Variants in OMA1 observed in about 807,000 individuals in gnomAD.
The protein encoded by OMA1 is metalloendopeptidase OMA1, mitochondrial.
In OMA1, 38 loss-of-function variants were observed where a neutral mutation model predicts 30.9. The observed-to-expected ratio is 1.23, with a 90% CI of 0.95 to 1.61. The LOEUF is 1.61. OMA1 is among the 40% of genes most tolerant of loss of function. The pLI, the probability that OMA1 is intolerant of heterozygous loss-of-function variation, is 0.00. For missense variants in OMA1, 461 were observed against 349.2 expected, an observed-to-expected ratio of 1.32 and a Z score of -2.55; for synonymous variants, 173 against 121.9, an observed-to-expected ratio of 1.42 and a Z score of -2.76.
At chr1:58,490,192 GA>G (rs1161179801) in intron 8 of OMA1, among the ~76,000 whole-genome samples, 1 of 152,076 alleles carries the variant, frequency 6.6e-6, no homozygotes, top group Non-Finnish European at 1.5e-5. Flanking sequence ...TAAAAATCTT[GA>G]AAAAAGATTA....
At chr1:58,515,961 T>C (rs182261393) in intron 7 of OMA1, among the ~76,000 whole-genome samples, 9 of 152,280 alleles carry the variant, frequency 5.9e-5, no homozygotes, top group Admixed American at 2.0e-4. Context: ...TGATGAAAAA[T>C]AGATTTTGCT....
intron 1 of OMA1, among the ~76,000 whole-genome samples, chr1:58,545,587 G>A (rs2100508232): frequency 6.6e-6 from 1 of 152,216 alleles, no homozygotes. Context: ...AGACTTCTAG[G>A]ATAACAAAAT....
intron 7 of OMA1, among the ~76,000 whole-genome samples, chr1:58,521,021 G>A (rs1646253775): frequency 6.6e-6 from 1 of 152,126 alleles, no homozygotes. Context: ...ACGTCATTTT[G>A]ACAAAATTGA....
intron 1 of OMA1, among the ~76,000 whole-genome samples, chr1:58,539,962 G>A (rs1026232404): frequency 2.0e-5 from 3 of 152,126 alleles, no homozygotes; most frequent in African/African-American, 7.2e-5. Context: ...GAGTTCTGCA[G>A]AGAATCCCCC....
chr1:58,513,002 AG>A (rs1201925405), intron 7 of OMA1, among the ~76,000 whole-genome samples: 3 of 152,218 alleles, frequency 2.0e-5, no homozygotes, highest in Non-Finnish European at 4.4e-5. Context: ...CTTCAAGAAA[AG>A]TATTATAGAA....
intron 7 of OMA1, among the ~76,000 whole-genome samples, chr1:58,524,557 T>C (rs1004381872): frequency 1.3e-5 from 2 of 152,244 alleles, no homozygotes; most frequent in Admixed American, 1.3e-4. Flanking sequence ...TTGCAAAAAG[T>C]GCAAGGTTTT....
intron 7 of OMA1, among the ~76,000 whole-genome samples, chr1:58,510,989 T>C (rs942685405): frequency 6.6e-6 from 1 of 151,922 alleles, no homozygotes; most frequent in Non-Finnish European, 1.5e-5. Context: ...CTCAAATAAA[T>C]GGAAAGACAT....
At chr1:58,533,858 T>C (rs1191386691) in intron 5 of OMA1, 95 bp downstream of exon 5, 1 of 761,456 alleles carries the variant, frequency 1.3e-6, no homozygotes, top group Non-Finnish European at 2.4e-6. Flanking sequence ...TCTATCATTT[T>C]TAAAAAACCT....
At chr1:58,531,627 T>G (rs565997525) in intron 5 of OMA1, among the ~76,000 whole-genome samples, 4 of 152,256 alleles carry the variant, frequency 2.6e-5, no homozygotes, top group African/African-American at 9.6e-5. Context: ...TATTGTACCC[T>G]CACAAAACAT....
intron 3 of OMA1, among the ~76,000 whole-genome samples, chr1:58,535,111 T>G (rs1487625999): frequency 6.6e-6 from 1 of 152,182 alleles, no homozygotes; most frequent in Non-Finnish European, 1.5e-5. Context: ...ACTCACAGAT[T>G]GAAAGGAAAT....
intron 7 of OMA1, among the ~76,000 whole-genome samples, chr1:58,509,148 A>G (rs1193440768): frequency 6.6e-6 from 1 of 151,256 alleles, no homozygotes; most frequent in Non-Finnish European, 1.5e-5. Context: ...GATATCAACA[A>G]TAAGAGTGAA....
chr1:58,501,542 C>T (rs1055764718), intron 8 of OMA1, among the ~76,000 whole-genome samples: 1 of 152,170 alleles, frequency 6.6e-6, no homozygotes, highest in Admixed American at 6.5e-5. Flanking sequence ...TCCACCCACA[C>T]TGGTTTTCTT....
rs1646480956 is a variant in OMA1, at chr1:58,534,209, A to G, written c.852T>C (p.Asn284=). The change falls in exon 4 of 9, where the codon AAT becomes AAC. Residue 284 remains asparagine (N), a synonymous_variant. Coordinates refer to ENST00000371226, the MANE Select transcript of OMA1 (RefSeq NM_145243.5). The part of the protein sequence containing the change: ...NKDVPGISQI[N]WVIHVVDSPI... ...GGGAATCAACCACATGAATAACCCA[A>G]TTGATCTGAGAGATCCCTGGAACAT... 3.4e-6 allele frequency: 3 copies of G among 871,876 alleles called. No homozygotes were observed. The highest frequency in any genetic ancestry group is 6.0e-6 in the Non-Finnish European group (3 of 501,514). The allele number at this position is 871,876 out of a possible 1,614,324, so 54.0% of individuals were successfully genotyped here.
At chr1:58,517,213 C>A (rs1409677645) in intron 7 of OMA1, among the ~76,000 whole-genome samples, 2 of 152,216 alleles carry the variant, frequency 1.3e-5, no homozygotes, top group African/African-American at 4.8e-5. Flanking sequence ...ATCTGGACTA[C>A]TGAACCCAAA....
chr1:58,508,389 T>C (rs1028249170), intron 7 of OMA1, among the ~76,000 whole-genome samples: 17 of 152,292 alleles, frequency 1.1e-4, no homozygotes, highest in Admixed American at 4.6e-4. Flanking sequence ...ATGAACACAC[T>C]GATTCAACGA....
At chr1:58,524,348 TA>T (rs1646316411) in intron 7 of OMA1, among the ~76,000 whole-genome samples, 1 of 152,258 alleles carries the variant, frequency 6.6e-6, no homozygotes, top group South Asian at 2.1e-4. Flanking sequence ...TTGACATTTT[TA>T]AGCCAAATCT....
chr1:58,541,021 C>CA (rs556882962), intron 1 of OMA1, among the ~76,000 whole-genome samples: 126 of 151,928 alleles, frequency 8.3e-4, no homozygotes, highest in Non-Finnish European at 1.7e-3. Context: ...TTGAAAAACA[C>CA]AAAAAAAGCT....
chr1:58,536,455 T>C (rs1335455907), intron 3 of OMA1, 58 bp downstream of exon 3: 11 of 751,078 alleles, frequency 1.5e-5, no homozygotes, highest in Non-Finnish European at 2.4e-5. Flanking sequence ...TTTAAGATAC[T>C]TTCCTACTTT....
chr1:58,488,419 C>T (rs1331086265), intron 8 of OMA1, among the ~76,000 whole-genome samples: 4 of 152,072 alleles, frequency 2.6e-5, no homozygotes, highest in Non-Finnish European at 5.9e-5. Flanking sequence ...TTCTGGTACA[C>T]CCATCACTCA....
Sources: allele counts gnomAD v4.1 joint callset (sites outside exome capture counted in the v4.1 genomes callset), GRCh38; gene constraint gnomAD v4.1.1; transcripts MANE v1.5; gene names NCBI Gene and HGNC (gene_info 2026-07-23, HGNC 2026-07-21).